CTBP2: variants seen among roughly 807,000 people sequenced by gnomAD.
The protein encoded by CTBP2 is C-terminal-binding protein 2.
A neutral mutation model predicts 80.3 loss-of-function variants in CTBP2; 30 were observed. That is an observed-to-expected ratio of 0.37 (90% CI 0.28 to 0.51). The LOEUF (loss-of-function observed/expected upper bound fraction) is 0.51, where lower values mean the gene tolerates loss of function less well. Ranked by LOEUF, CTBP2 falls within the 20% of genes least tolerant of loss-of-function variation. CTBP2 has a pLI of 0.93. For missense variants in CTBP2, 1,212 were observed against 1,375.3 expected (o/e 0.88, Z 1.88); for synonymous variants, 594 against 587.4 (o/e 1.01, Z -0.16).
chr10:125,141,508 G>A (rs1216119724), intron 1 of CTBP2, among the ~76,000 whole-genome samples: 1 of 152,116 alleles, frequency 6.6e-6, no homozygotes, highest in African/African-American at 2.4e-5. Context: ...CATCCTGACT[G>A]GTCTCTACCT....
At chr10:125,012,240 G>T (rs1956008532) in intron 1 of CTBP2, among the ~76,000 whole-genome samples, 1 of 152,210 alleles carries the variant, frequency 6.6e-6, no homozygotes, top group Non-Finnish European at 1.5e-5. Context: ...GACAGGATGT[G>T]GGGGATAGAA....
At chr10:124,998,258 T>A (rs1982225) in intron 3 of CTBP2, 88 bp from the exon 6 acceptor site, 1,252,840 of 1,449,142 alleles carry the variant, frequency 0.86, 543,261 homozygotes, top group East Asian at 0.95. Context: ...CTCCTGAGAC[T>A]CGGTTGTTGG....
At chr10:125,151,201 A>T (rs1859791267) in intron 1 of CTBP2, among the ~76,000 whole-genome samples, 1 of 152,190 alleles carries the variant, frequency 6.6e-6, no homozygotes, top group South Asian at 2.1e-4. Flanking sequence ...AGGCGAACAC[A>T]GAAATTCCTC....
upstream of CTBP2, among the ~76,000 whole-genome samples, chr10:125,030,604 G>A (rs1004776210): frequency 6.6e-6 from 1 of 152,248 alleles, no homozygotes; most frequent in Non-Finnish European, 1.5e-5. Flanking sequence ...TGAAATGAGA[G>A]AGAAAACATG....
chr10:125,045,393 G>A (rs1390281377), intron 2 of CTBP2, among the ~76,000 whole-genome samples: 1 of 152,090 alleles, frequency 6.6e-6, no homozygotes, highest in East Asian at 1.9e-4. Flanking sequence ...TGCAAATTTA[G>A]TTTTATGTTT....
chr10:125,027,063 C>T lies in CTBP2; in HGVS notation c.697G>A (p.Val233Ile), dbSNP rs1274310120. The T allele has an allele frequency of 8.7e-6, 14 of 1,612,702 alleles. No homozygotes were observed. The South Asian group carries it at 1.4e-4, about 16-fold the overall frequency. ...GCAGCAGCTGAACTGGGGTCCACAA[C>T]CAGGCACGTCGGGGCCACCTGTCTG... Residue 233 changes from valine to isoleucine, a missense_variant, in exon 1 of 9, where the codon GTT becomes ATT. Transcript: ENST00000309035.
chr10:125,077,166 G>A (rs1846392821), intron 2 of CTBP2, among the ~76,000 whole-genome samples: 1 of 152,186 alleles, frequency 6.6e-6, no homozygotes, highest in Non-Finnish European at 1.5e-5. Context: ...AATGAAATGC[G>A]TGTCAGGCAC....
intron 1 of CTBP2, among the ~76,000 whole-genome samples, chr10:125,141,799 C>T (rs150451526): frequency 6.6e-6 from 1 of 152,216 alleles, no homozygotes; most frequent in Non-Finnish European, 1.5e-5. Context: ...AGCAAGCACA[C>T]AGCAAGTACA....
rs1157545651 is a variant in CTBP2 at position 125,066,804 on chromosome 10, A to G, written c.-101-27649T>C. ...AATGTAACAAAAAAGGAACTAGCCC[A>G]TGTGTCGATCAGTAAATGCCTCAGG... On this transcript the variant is annotated intron_variant, in intron 2 of 10. Coordinates refer to the CTBP2 transcript ENST00000337195. The surrounding 1 kb of genome is among the most constrained non-coding windows in gnomAD (Gnocchi z 4.1). Among the ~76,000 whole-genome samples the G allele has an allele frequency of 6.6e-6, 1 of 152,208 alleles. No individual in the cohort carries two copies. The highest frequency in any genetic ancestry group is 2.4e-5 in the African/African-American group (1 of 41,434).
In CTBP2 at chr10:125,018,649, A is replaced by T. The variant is rs997725535; in HGVS notation, c.1678+7433T>A. 7.2e-5 allele frequency among the ~76,000 whole-genome samples: 11 copies of T among 152,230 alleles called. No individual in the cohort carries two copies. The South Asian group carries it at 2.1e-3, about 29-fold the overall frequency. On this transcript the variant is annotated intron_variant, in intron 1 of 8. Coordinates refer to ENST00000309035, the MANE Select transcript of CTBP2 (RefSeq NM_022802.3). Reference sequence around the variant, plus strand: ...TCAGTCAGGGCCCTAGATTCTCTCAAGGCTGGTTTCCCCTACCTCGGCCCT... The same window carrying T: ...TCAGTCAGGGCCCTAGATTCTCTCATGGCTGGTTTCCCCTACCTCGGCCCT...
chr10:125,040,197 G>A (rs1590257225), intron 2 of CTBP2, among the ~76,000 whole-genome samples: 1 of 152,180 alleles, frequency 6.6e-6, no homozygotes, highest in East Asian at 1.9e-4. Context: ...GCTCATGCCT[G>A]TAAGCCCAGA....
At position 125,036,339 on chromosome 10, in the gene CTBP2, C is replaced by T. The variant is rs1386399054; in HGVS notation, c.58+2658G>A. ...TGCCTGATTCCAGCCTAGGGACCCA[C>T]GACCAGGGCTTGATGTTGGCATTGT... is the stretch of plus-strand genomic sequence containing the variant. On this transcript the variant is annotated intron_variant, in intron 3 of 10. Coordinates refer to the CTBP2 transcript ENST00000337195. Among the ~76,000 whole-genome samples, 5 of 152,070 alleles carry T rather than the reference C, an allele frequency of 3.3e-5. No homozygotes were observed. The South Asian group carries it at 6.2e-4, about 19-fold the overall frequency.
At chr10:125,112,972 C>A (rs180801286) in intron 1 of CTBP2, among the ~76,000 whole-genome samples, 34 of 152,312 alleles carry the variant, frequency 2.2e-4, no homozygotes, top group Non-Finnish European at 4.6e-4. Flanking sequence ...CTCCGACAGC[C>A]AGCTCCTGCT....
intron 2 of CTBP2, among the ~76,000 whole-genome samples, chr10:125,039,862 A>C (rs977454107): frequency 1.3e-5 from 2 of 152,152 alleles, no homozygotes; most frequent in Admixed American, 1.3e-4. Flanking sequence ...AGTATTTCTT[A>C]GTGTGAGAGT....
intron 2 of CTBP2, among the ~76,000 whole-genome samples, chr10:125,105,257 C>T (rs1338782243): frequency 6.6e-6 from 1 of 152,176 alleles, no homozygotes; most frequent in Non-Finnish European, 1.5e-5. Context: ...ACACAATCCT[C>T]CCACCCAGCT....
chr10:125,023,960 C>G (rs1473410120), intron 1 of CTBP2, among the ~76,000 whole-genome samples: 1 of 152,178 alleles, frequency 6.6e-6, no homozygotes, highest in African/African-American at 2.4e-5. Context: ...TTAGGCGGCA[C>G]CAGAACGAAG....
intron 1 of CTBP2, among the ~76,000 whole-genome samples, chr10:125,127,555 A>C (rs10510140): frequency 0.072 from 10,999 of 152,260 alleles, 557 homozygotes; most frequent in Middle Eastern, 0.13. Flanking sequence ...ATCCTAAATC[A>C]AAGGGTATCC....
intron 4 of CTBP2, among the ~76,000 whole-genome samples, chr10:124,995,443 CA>C (rs1263358285): frequency 6.6e-6 from 1 of 152,204 alleles, no homozygotes; most frequent in African/African-American, 2.4e-5. Context: ...ATTTTGAAAA[CA>C]AAATGGTTAG....
chr10:125,007,930 G>A (rs1007391752), intron 1 of CTBP2, among the ~76,000 whole-genome samples: 1 of 151,846 alleles, frequency 6.6e-6, no homozygotes, highest in Non-Finnish European at 1.5e-5. Flanking sequence ...TCTGACATAG[G>A]AGGCAAAGGC....
Sources: gnomAD v4.1 joint callset for allele counts (sites outside exome capture counted in the v4.1 genomes callset) on GRCh38, gnomAD v4.1.1 for gene constraint, Gnocchi (gnomAD v3.1) non-coding constraint, MANE v1.5 for transcripts, NCBI Gene and HGNC (gene_info 2026-07-23, HGNC 2026-07-21) for gene names.